The following MAP2K4 variants were observed in gnomAD, a reference collection of about 807,000 sequenced individuals.
MAP2K4 encodes the protein mitogen-activated protein kinase kinase 4, also known as dual specificity mitogen-activated protein kinase kinase 4.
A neutral mutation model predicts 48.5 loss-of-function variants in MAP2K4; 4 were observed. The ratio of observed to expected loss-of-function variants is 0.08; its 90% CI spans 0.04 to 0.19. The LOEUF is 0.19. MAP2K4 is among the 10% of genes least tolerant of loss of function. MAP2K4 has a pLI of 1.00. For synonymous variants in MAP2K4, 166 were observed against 173.1 expected (o/e 0.96, Z 0.32); for missense variants, 258 against 493.3 (o/e 0.52, Z 4.52).
chr17:12,032,302 A>G (rs1030794706), intron 1 of MAP2K4: 1 of 1,371,350 alleles, frequency 7.3e-7, no homozygotes. Context: ...GCACAAAGTA[A>G]GCTACAAATT....
chr17:12,054,534 T>C (rs1341148547), intron 1 of MAP2K4, among the ~76,000 whole-genome samples: 2 of 152,120 alleles, frequency 1.3e-5, no homozygotes, highest in African/African-American at 4.8e-5. Context: ...AGTATAACAC[T>C]GAACAGATGG....
rs1449446024 is a variant in MAP2K4 at position 12,143,178 on chromosome 17, C to T, written c.*1918C>T. 2.6e-5 allele frequency: 6 copies of T among 232,880 alleles called. No homozygotes were observed. The highest frequency in any genetic ancestry group is 5.6e-5 in the Admixed American group (1 of 17,774). 14.4% of individuals were successfully genotyped at this position (232,880 alleles called of 1,614,324 possible). A position where few individuals can be genotyped will look rare whatever the true frequency, so the allele number is the denominator to read the frequency against. ...GCAAGCCATCATCCTCCATTGCTCC[C>T]GGGGACTCAAGAGGAATCTGTTTCT... On this transcript the variant is annotated 3_prime_UTR_variant, in exon 11 of 11. Coordinates refer to ENST00000353533, the MANE Select transcript of MAP2K4 (RefSeq NM_003010.4).
At chr17:12,095,937 A>G (rs1042069722) in intron 4 of MAP2K4, among the ~76,000 whole-genome samples, 14 of 142,962 alleles carry the variant, frequency 9.8e-5, no homozygotes, top group African/African-American at 3.1e-4. Flanking sequence ...GTATTTTAGT[A>G]TTGGTGGCTG....
At chr17:12,125,202 G>A (rs890793423) in intron 7 of MAP2K4, 92 bp from the exon 8 acceptor site, 4 of 833,134 alleles carry the variant, frequency 4.8e-6, no homozygotes, top group Non-Finnish European at 8.5e-6. Context: ...GGAATATACT[G>A]GCATTTTGGC....
At chr17:12,102,877 C>T (rs1971979232) in intron 4 of MAP2K4, among the ~76,000 whole-genome samples, 1 of 151,674 alleles carries the variant, frequency 6.6e-6, no homozygotes, top group South Asian at 2.1e-4. Flanking sequence ...TTACTTCTGT[C>T]TTCCCTGTCT....
chr17:12,125,890 T>C (rs1411537132), intron 8 of MAP2K4, among the ~76,000 whole-genome samples: 2 of 152,232 alleles, frequency 1.3e-5, no homozygotes, highest in African/African-American at 4.8e-5. Context: ...AGGGACAATA[T>C]ATTAGTCCAT....
intron 1 of MAP2K4, among the ~76,000 whole-genome samples, chr17:12,036,961 A>G (rs1264230757): frequency 6.6e-6 from 1 of 151,968 alleles, no homozygotes; most frequent in Non-Finnish European, 1.5e-5. Context: ...TGGAGCTCTA[A>G]ATATTTTGGG....
At chr17:12,041,734 T>A (rs958625018) in intron 1 of MAP2K4, among the ~76,000 whole-genome samples, 12 of 152,372 alleles carry the variant, frequency 7.9e-5, no homozygotes, top group Admixed American at 3.9e-4. Flanking sequence ...TGAAACTGTT[T>A]GTCCTAAAGA....
intron 2 of MAP2K4, among the ~76,000 whole-genome samples, chr17:12,063,609 C>A (rs985338448): frequency 2.0e-5 from 3 of 152,006 alleles, no homozygotes; most frequent in African/African-American, 7.2e-5. Context: ...GACAAAGAAA[C>A]CACTAAAAAA....
At chr17:12,100,406 C>T (rs1041377570) in intron 4 of MAP2K4, among the ~76,000 whole-genome samples, 1 of 152,000 alleles carries the variant, frequency 6.6e-6, no homozygotes, top group Admixed American at 6.6e-5. Context: ...CTTTGTATTG[C>T]CAAGTACTAT....
intron 8 of MAP2K4, 81 bp downstream of exon 8, chr17:12,125,452 C>G: frequency 9.1e-7 from 1 of 1,102,196 alleles, no homozygotes; most frequent in South Asian, 1.2e-5. Flanking sequence ...AATCAGACTT[C>G]CCCGTTCGTT....
Position 12,115,090 on chromosome 17 carries a change from C to A in MAP2K4, c.813+1730C>A, listed in dbSNP as rs149581097. Among the ~76,000 whole-genome samples, 416 of 152,298 alleles carry A rather than the reference C, an allele frequency of 2.7e-3. 3 individuals carry two copies. The highest frequency in any genetic ancestry group is 8.9e-3 in the African/African-American group (369 of 41,582). ...TTGACAAAACCTATTGGAGGTATAT[C>A]ATTTTATTTGAGATTTATAGTTGTC... On this transcript the variant is annotated intron_variant, in intron 7 of 10. Transcript: ENST00000353533.
chr17:12,057,176 G>A (rs953396427), intron 2 of MAP2K4, among the ~76,000 whole-genome samples: 4 of 152,058 alleles, frequency 2.6e-5, no homozygotes, highest in African/African-American at 4.8e-5. Flanking sequence ...ATTGGCTGTC[G>A]TAATTTTAGT....
At chr17:12,040,633 G>T (rs1336645769) in intron 1 of MAP2K4, among the ~76,000 whole-genome samples, 3 of 152,142 alleles carry the variant, frequency 2.0e-5, no homozygotes, top group Admixed American at 1.3e-4. Flanking sequence ...TTTAAAATTT[G>T]TGTTCAGTGC....
intron 3 of MAP2K4, among the ~76,000 whole-genome samples, chr17:12,092,315 G>C (rs1163469623): frequency 6.6e-6 from 1 of 152,126 alleles, no homozygotes; most frequent in Non-Finnish European, 1.5e-5. Flanking sequence ...GCGTCACCTT[G>C]TTACTTCCAT....
At chr17:12,060,296 T>C (rs1344423610) in intron 2 of MAP2K4, among the ~76,000 whole-genome samples, 3 of 152,348 alleles carry the variant, frequency 2.0e-5, no homozygotes, top group Middle Eastern at 3.4e-3. Flanking sequence ...GCTCTCAATT[T>C]AGGCATTGAA....
intron 1 of MAP2K4, among the ~76,000 whole-genome samples, chr17:12,029,843 A>G (rs1032668231): frequency 9.9e-5 from 15 of 152,080 alleles, no homozygotes; most frequent in African/African-American, 3.4e-4. Context: ...GCTTGAGCCC[A>G]GGAGTTTGAG....
At chr17:12,082,007 C>T (rs747436542) in intron 3 of MAP2K4, 8 of 520,750 alleles carry the variant, frequency 1.5e-5, no homozygotes, top group Admixed American at 4.0e-5. Flanking sequence ...CTGACCGGCT[C>T]GGCTTCTGTT....
In MAP2K4 at chr17:12,035,481, A is replaced by C. The variant is rs183034178; in HGVS notation, c.115+14480A>C. On this transcript the variant is annotated intron_variant, in intron 1 of 10. Coordinates refer to ENST00000353533, the MANE Select transcript of MAP2K4 (RefSeq NM_003010.4). ...CAGTGAGCCGAGATTGTGCCATGGC[A>C]CTCCAGCCTGGTCAACAAGAACAAA... Among the ~76,000 whole-genome samples the C allele has an allele frequency of 2.0e-5, 3 of 152,302 alleles. No homozygotes were observed. The East Asian group carries it at 5.8e-4, about 29-fold the overall frequency.
Sources: allele counts gnomAD v4.1 joint callset (sites outside exome capture counted in the v4.1 genomes callset), GRCh38; gene constraint gnomAD v4.1.1; transcripts MANE v1.5; gene names NCBI Gene and HGNC (gene_info 2026-07-23, HGNC 2026-07-21).